MACROD2: variants seen among roughly 807,000 people sequenced by gnomAD.
MACROD2 encodes ADP-ribose glycohydrolase MACROD2.
In MACROD2, 36 loss-of-function variants were observed where a neutral mutation model predicts 70.4. That is an observed-to-expected ratio of 0.51 (90% CI 0.39 to 0.68). MACROD2 has a LOEUF of 0.68. Ranked by LOEUF, MACROD2 falls within the 30% of genes least tolerant of loss-of-function variation. MACROD2 has a pLI of 0.00. For synonymous variants in MACROD2, 172 were observed against 178.8 expected (o/e 0.96, Z 0.30); for missense variants, 496 against 538.4 (o/e 0.92, Z 0.78).
At chr20:15,168,441 ATGTGTGTG>A (rs56188346) in intron 5 of MACROD2, among the ~76,000 whole-genome samples, 7,493 of 134,628 alleles carry the variant, frequency 0.056, 217 homozygotes, top group South Asian at 0.11. Flanking sequence ...ACATTGTGGG[ATGTGTGTG>A]TGTGTGTGTG....
At position 15,425,477 on chromosome 20, in the gene MACROD2, A is replaced by G. The variant is rs1026757297; in HGVS notation, c.541-5928A>G. Among the ~76,000 whole-genome samples the G allele has an allele frequency of 3.3e-5, 5 of 152,324 alleles. No homozygotes were observed. In the East Asian group the frequency reaches 9.7e-4, roughly 29 times the overall value. On this transcript the variant is annotated intron_variant, in intron 6 of 17. Transcript: ENST00000684519. ...TTGAGTCAGTGAAATGTGATATATAATGAAAAACACTTAAATGGAAGGTAT... is the reference window on the plus strand; with the variant it reads ...TTGAGTCAGTGAAATGTGATATATAGTGAAAAACACTTAAATGGAAGGTAT...
chr20:15,600,262 A>G (rs768623867), intron 8 of MACROD2, among the ~76,000 whole-genome samples: 1 of 151,200 alleles, frequency 6.6e-6, no homozygotes, highest in Non-Finnish European at 1.5e-5. Flanking sequence ...TGGTTTCAGC[A>G]CTCATTCTAC....
intron 5 of MACROD2, among the ~76,000 whole-genome samples, chr20:15,137,401 C>A (rs2076157551): frequency 6.6e-6 from 1 of 151,830 alleles, no homozygotes; most frequent in African/African-American, 2.4e-5. Context: ...GAGTTCATGT[C>A]TTTTGTAGGG....
At chr20:15,234,267 C>T (rs1198518741) in intron 6 of MACROD2, among the ~76,000 whole-genome samples, 2 of 149,586 alleles carry the variant, frequency 1.3e-5, no homozygotes, top group Non-Finnish European at 3.0e-5. Flanking sequence ...CTCCTGACCT[C>T]GTGATCCGCC....
At chr20:15,645,815 G>T (rs1209023615) in intron 8 of MACROD2, among the ~76,000 whole-genome samples, 2 of 152,174 alleles carry the variant, frequency 1.3e-5, no homozygotes, top group African/African-American at 4.8e-5. Context: ...TTTAAGAAAT[G>T]TGTATTTAAT....
chr20:15,691,205 C>G (rs1458120082), intron 8 of MACROD2, among the ~76,000 whole-genome samples: 3 of 152,164 alleles, frequency 2.0e-5, no homozygotes, highest in African/African-American at 7.2e-5. Context: ...AGTCATTTCC[C>G]TGCTCTTCAT....
At chr20:15,672,181 A>G (rs2146838415) in intron 8 of MACROD2, among the ~76,000 whole-genome samples, 1 of 152,328 alleles carries the variant, frequency 6.6e-6, no homozygotes, top group Non-Finnish European at 1.5e-5. Context: ...GTCTCTGCAC[A>G]GATGAAATAA....
At chr20:15,756,073 A>G (rs967867939) in intron 8 of MACROD2, among the ~76,000 whole-genome samples, 1 of 152,056 alleles carries the variant, frequency 6.6e-6, no homozygotes, top group Non-Finnish European at 1.5e-5. Flanking sequence ...CCCTTGCCAC[A>G]TTGTCCACAC....
intron 6 of MACROD2, among the ~76,000 whole-genome samples, chr20:15,270,135 G>T (rs2077332440): frequency 1.3e-5 from 2 of 150,120 alleles, no homozygotes; most frequent in East Asian, 3.9e-4. Flanking sequence ...CCAGCCTCGG[G>T]GTCTCACACT....
chr20:15,695,955 G>A (rs925594342), intron 8 of MACROD2, among the ~76,000 whole-genome samples: 1 of 151,896 alleles, frequency 6.6e-6, no homozygotes, highest in Non-Finnish European at 1.5e-5. Flanking sequence ...GAGTCCTTAG[G>A]GTTTTCAAGG....
chr20:14,496,336 A>G (rs1215191974), intron 4 of MACROD2, among the ~76,000 whole-genome samples: 2 of 152,210 alleles, frequency 1.3e-5, no homozygotes, highest in Non-Finnish European at 2.9e-5. Flanking sequence ...TTAGATCCTC[A>G]GGAGGGCTTC....
rs375897284 is a variant in MACROD2, at chr20:14,616,465, AT to A, written c.302-68374del. The stretch of plus-strand genomic sequence containing the variant: ...TTCAATTCAAATTCTCTTTAAATGA[AT>A]TTTGGTGAATAATATTATTTTGAGC... On this transcript the variant is annotated intron_variant, in intron 4 of 17. Coordinates refer to ENST00000684519, the MANE Select transcript of MACROD2 (RefSeq NM_001351661.2). 1.3e-4 allele frequency among the ~76,000 whole-genome samples: 20 copies of A among 152,180 alleles called. No individual in the cohort carries two copies. The South Asian group carries it at 3.7e-3, about 28-fold the overall frequency.
At chr20:14,580,877 T>C (rs1260593735) in intron 4 of MACROD2, among the ~76,000 whole-genome samples, 13 of 152,226 alleles carry the variant, frequency 8.5e-5, no homozygotes, top group African/African-American at 2.7e-4. Flanking sequence ...AGTAGCAGAT[T>C]GCTTCATTTA....
chr20:14,565,148 T>C (rs1181775374), intron 4 of MACROD2, among the ~76,000 whole-genome samples: 1 of 151,796 alleles, frequency 6.6e-6, no homozygotes, highest in Non-Finnish European at 1.5e-5. Flanking sequence ...TACATGGACA[T>C]GCAGAGTGGA....
At chr20:15,426,183 A>G (rs1457217730) in intron 6 of MACROD2, among the ~76,000 whole-genome samples, 1 of 150,576 alleles carries the variant, frequency 6.6e-6, no homozygotes, top group African/African-American at 2.5e-5. Flanking sequence ...TCTGCGAGAA[A>G]CACCCAAGAA....
chr20:15,313,652 T>C (rs944790646), intron 6 of MACROD2, among the ~76,000 whole-genome samples: 3 of 152,156 alleles, frequency 2.0e-5, no homozygotes, highest in Non-Finnish European at 4.4e-5. Flanking sequence ...TTTCTCTTAA[T>C]GAACAAGTCA....
chr20:14,855,238 C>T (rs951273864), intron 5 of MACROD2, among the ~76,000 whole-genome samples: 1 of 152,146 alleles, frequency 6.6e-6, no homozygotes, highest in East Asian at 1.9e-4. Context: ...CAAGATTTTA[C>T]AGCATCTCAA....
intron 17 of MACROD2, among the ~76,000 whole-genome samples, chr20:16,048,724 T>A (rs1226148344): frequency 6.6e-6 from 1 of 152,140 alleles, no homozygotes; most frequent in Non-Finnish European, 1.5e-5. Flanking sequence ...GGGGGACATA[T>A]AAAATGGTTC....
chr20:16,024,374 G>A (rs1307461870), intron 15 of MACROD2, among the ~76,000 whole-genome samples: 2 of 152,068 alleles, frequency 1.3e-5, no homozygotes, highest in Non-Finnish European at 2.9e-5. Context: ...TGAAGATGTA[G>A]AAAAAATGTC....
Sources: gnomAD v4.1 joint callset for allele counts (sites outside exome capture counted in the v4.1 genomes callset) on GRCh38, gnomAD v4.1.1 for gene constraint, MANE v1.5 for transcripts, NCBI Gene and HGNC (gene_info 2026-07-23, HGNC 2026-07-21) for gene names.